Variants in BICC1 observed in about 807,000 individuals in gnomAD.
BICC1 encodes the protein BicC family RNA binding protein 1.
BICC1 carries 43 observed loss-of-function variants against 111.0 expected under a neutral mutation model. The ratio of observed to expected loss-of-function variants is 0.39; its 90% confidence interval spans 0.30 to 0.50. BICC1 has a LOEUF of 0.50. Among genes scored for constraint, BICC1 ranks in the 20% least tolerant of loss-of-function variants. The pLI is 0.88. For missense variants in BICC1, 1,091 were observed against 1,203.2 expected (o/e 0.91, Z 1.38); for synonymous variants, 467 against 434.4 (o/e 1.07, Z -0.93).
chr10:58,587,484 CT>C (rs1210257471), intron 1 of BICC1, among the ~76,000 whole-genome samples: 1 of 152,124 alleles, frequency 6.6e-6, no homozygotes, highest in African/African-American at 2.4e-5. Context: ...TTCGTAAAAT[CT>C]TTAGCATAAT....
chr10:58,800,958 T>C lies in BICC1; in HGVS notation c.1927T>C (p.Leu643=). The change falls in exon 14 of 21, where the codon TTG becomes CTG. Residue 643 remains leucine (L), a synonymous_variant. Coordinates refer to ENST00000373886, the MANE Select transcript of BICC1 (RefSeq NM_001080512.3). ...SPSHSGNAGD[L]KQMMCPSKVS... The stretch of plus-strand genomic sequence containing the variant: ...TTCCCATTCTGGGAATGCTGGTGAC[T>C]TGAAACAGATGATGTGTCCCTCCAA... The C allele has an allele frequency of 6.2e-7, 1 of 1,611,594 alleles. No individual in the cohort carries two copies. Among genetic ancestry groups the C allele is most frequent in the Non-Finnish European group, 8.5e-7 (1 of 1,178,820 alleles).
intron 1 of BICC1, among the ~76,000 whole-genome samples, chr10:58,520,246 T>A (rs1842354604): frequency 6.6e-6 from 1 of 152,198 alleles, no homozygotes; most frequent in African/African-American, 2.4e-5. Flanking sequence ...ATATGAAATA[T>A]TTAATAAACT....
intron 2 of BICC1, among the ~76,000 whole-genome samples, chr10:58,667,591 T>A (rs961688855): frequency 1.3e-5 from 2 of 152,076 alleles, no homozygotes; most frequent in Non-Finnish European, 2.9e-5. Flanking sequence ...TAAACCATTC[T>A]GTGGAATTAG....
chr10:58,732,414 TATATATATATATATATATATATATATA>T (rs1841342231), intron 3 of BICC1, among the ~76,000 whole-genome samples: 1 of 46,740 alleles, frequency 2.1e-5, no homozygotes, highest in South Asian at 8.6e-4. Flanking sequence ...TATATATATA[TATATATATATATATATATATATATATA>T]CTGGTCAGTG....
rs193106129 is a variant in BICC1, at chr10:58,583,422, G to A, written c.191-37433G>A. Among the ~76,000 whole-genome samples, 349 of 151,328 alleles carry A rather than the reference G, an allele frequency of 2.3e-3. 3 individuals are homozygous for A. Among genetic ancestry groups the A allele is most frequent in the African/African-American group, 7.6e-3 (312 of 41,134 alleles). The stretch of plus-strand genomic sequence containing the variant: ...CATTATAACATTCTTGTGCCTTTGC[G>A]TCCTCATAGCTTAGCTCCCACTTAT... On this transcript the variant is annotated intron_variant, in intron 1 of 20. Transcript: ENST00000373886.
chr10:58,609,582 A>G (rs1845346679), intron 1 of BICC1, among the ~76,000 whole-genome samples: 7 of 152,278 alleles, frequency 4.6e-5, no homozygotes, highest in Admixed American at 3.9e-4. Context: ...TAAAAGTAAC[A>G]TCATTTCAAC....
chr10:58,703,895 A>T (rs1840313304), intron 3 of BICC1, among the ~76,000 whole-genome samples: 1 of 152,160 alleles, frequency 6.6e-6, no homozygotes, highest in Non-Finnish European at 1.5e-5. Context: ...ACAATGCTAG[A>T]TAACTTTTTA....
chr10:58,785,365 A>G (rs1363542454), intron 4 of BICC1, among the ~76,000 whole-genome samples: 2 of 152,160 alleles, frequency 1.3e-5, no homozygotes, highest in African/African-American at 2.4e-5. Flanking sequence ...ATATGTATAC[A>G]TGTACATATA....
intron 2 of BICC1, among the ~76,000 whole-genome samples, chr10:58,640,095 ATTACTTT>A (rs1175148178): frequency 1.3e-5 from 2 of 152,164 alleles, no homozygotes; most frequent in African/African-American, 2.4e-5. Flanking sequence ...ATAAGATAAC[ATTACTTT>A]TTATTCTTTT....
At chr10:58,530,775 C>T (rs1842662937) in intron 1 of BICC1, among the ~76,000 whole-genome samples, 1 of 151,306 alleles carries the variant, frequency 6.6e-6, no homozygotes, top group African/African-American at 2.4e-5. Context: ...AAAGAAACTT[C>T]CTTACTGTAA....
chr10:58,618,239 G>T (rs1027552720), intron 1 of BICC1, among the ~76,000 whole-genome samples: 7 of 152,194 alleles, frequency 4.6e-5, no homozygotes, highest in Non-Finnish European at 7.3e-5. Context: ...TTGGCCTAGG[G>T]GGTGGAGTGT....
chr10:58,512,728 G>C (rs1002549270), upstream of BICC1, among the ~76,000 whole-genome samples: 1 of 151,750 alleles, frequency 6.6e-6, no homozygotes, highest in Non-Finnish European at 1.5e-5. Context: ...GTGTGCGCGC[G>C]CGAGTGTGTG....
intron 2 of BICC1, among the ~76,000 whole-genome samples, chr10:58,685,266 T>C (rs182879220): frequency 2.8e-4 from 43 of 152,332 alleles, no homozygotes; most frequent in African/African-American, 1.0e-3. Flanking sequence ...CTTTTACATT[T>C]GCTGAGGAGT....
At chr10:58,673,025 A>G (rs1027996511) in intron 2 of BICC1, among the ~76,000 whole-genome samples, 1 of 152,164 alleles carries the variant, frequency 6.6e-6, no homozygotes, top group Non-Finnish European at 1.5e-5. Context: ...TTGCAGATGA[A>G]TGCAATCTTA....
chr10:58,535,320 C>A (rs142317271), intron 1 of BICC1, among the ~76,000 whole-genome samples: 20 of 151,738 alleles, frequency 1.3e-4, no homozygotes, highest in African/African-American at 4.6e-4. Context: ...GGAAATAATT[C>A]TAAGAACAGC....
At chr10:58,549,825 A>G (rs1272980518) in intron 1 of BICC1, among the ~76,000 whole-genome samples, 1 of 151,632 alleles carries the variant, frequency 6.6e-6, no homozygotes, top group Non-Finnish European at 1.5e-5. Context: ...AGCTGGGATT[A>G]CAGATGTGCA....
At chr10:58,731,033 A>G (rs541204986) in intron 3 of BICC1, among the ~76,000 whole-genome samples, 81 of 152,336 alleles carry the variant, frequency 5.3e-4, no homozygotes, top group African/African-American at 1.9e-3. Flanking sequence ...AAATAAGAGT[A>G]CCAGTTTCAG....
At chr10:58,789,638 CAGTTAAT>C (rs1843116108) in intron 7 of BICC1, 37 bp from the exon 8 acceptor site, 10 of 1,603,822 alleles carry the variant, frequency 6.2e-6, no homozygotes, top group Non-Finnish European at 8.5e-6. Context: ...CGTATATGAA[CAGTTAAT>C]GTATAGGATT....
At chr10:58,634,135 G>C (rs984325808) in intron 2 of BICC1, among the ~76,000 whole-genome samples, 1 of 151,762 alleles carries the variant, frequency 6.6e-6, no homozygotes, top group Admixed American at 6.6e-5. Flanking sequence ...GGGATTACAG[G>C]TGCACGCCAC....
Sources: allele counts gnomAD v4.1 joint callset (sites outside exome capture counted in the v4.1 genomes callset), GRCh38; gene constraint gnomAD v4.1.1; transcripts MANE v1.5; gene names NCBI Gene and HGNC (gene_info 2026-07-23, HGNC 2026-07-21).